MAD1L1: variants seen among roughly 807,000 people sequenced by gnomAD.
MAD1L1 encodes the protein mitotic arrest deficient 1 like 1.
MAD1L1 carries 95 observed loss-of-function variants against 96.9 expected under a neutral mutation model. The observed-to-expected ratio is 0.98, with a 90% CI of 0.83 to 1.16. The LOEUF is 1.16. MAD1L1 is among the 50% of genes most tolerant of loss of function. The pLI is 0.00. For synonymous variants in MAD1L1, 473 were observed against 396.6 expected (o/e 1.19, Z -2.29); for missense variants, 1,007 against 954.4 (o/e 1.06, Z -0.73).
chr7:1,892,364 C>T (rs1027623797), intron 18 of MAD1L1, among the ~76,000 whole-genome samples: 2 of 152,182 alleles, frequency 1.3e-5, no homozygotes, highest in Admixed American at 6.5e-5. Context: ...AAAGCGAGAC[C>T]GTACTAGACT....
intron 12 of MAD1L1, among the ~76,000 whole-genome samples, chr7:2,052,037 A>G (rs1344695288): frequency 2.0e-5 from 3 of 152,254 alleles, no homozygotes; most frequent in African/African-American, 7.2e-5. Context: ...AAAGACAACC[A>G]TTCATGCAGA....
intron 18 of MAD1L1, among the ~76,000 whole-genome samples, chr7:1,880,177 TCA>T (rs1486447952): frequency 1.3e-5 from 2 of 152,212 alleles, no homozygotes; most frequent in African/African-American, 2.4e-5. Flanking sequence ...TTCCGTATCC[TCA>T]CAGTGTTCCT....
intron 18 of MAD1L1, among the ~76,000 whole-genome samples, chr7:1,866,656 C>T (rs1049827669): frequency 5.3e-5 from 8 of 152,184 alleles, no homozygotes; most frequent in African/African-American, 1.2e-4. Context: ...CTCTTGCCGG[C>T]CAGCCCCAGA....
intron 10 of MAD1L1, among the ~76,000 whole-genome samples, chr7:2,204,852 A>G (rs775052886): frequency 6.6e-6 from 1 of 152,218 alleles, no homozygotes; most frequent in Non-Finnish European, 1.5e-5. Flanking sequence ...GTACAAAGCT[A>G]CCAAACCATT....
chr7:1,960,662 C>A (rs1045062325), intron 15 of MAD1L1, among the ~76,000 whole-genome samples: 1 of 152,096 alleles, frequency 6.6e-6, no homozygotes, highest in African/African-American at 2.4e-5. Context: ...GCAAAACCAG[C>A]CAGAAATGCA....
chr7:1,959,031 C>A (rs1380553313), intron 15 of MAD1L1, among the ~76,000 whole-genome samples: 1 of 152,176 alleles, frequency 6.6e-6, no homozygotes, highest in African/African-American at 2.4e-5. Flanking sequence ...GCAGCTGGAT[C>A]GCTTGAGGCC....
intron 10 of MAD1L1, among the ~76,000 whole-genome samples, chr7:2,156,821 C>CAAAAA (rs796679600): frequency 2.2e-5 from 2 of 91,542 alleles, no homozygotes; most frequent in African/African-American, 7.2e-5. Flanking sequence ...GACTCCATCT[C>CAAAAA]AAAAAAAAAA....
intron 16 of MAD1L1, among the ~76,000 whole-genome samples, chr7:1,944,129 C>T (rs1009935613): frequency 6.6e-5 from 10 of 152,242 alleles, no homozygotes; most frequent in Admixed American, 3.3e-4. Context: ...GAACAGGCCA[C>T]GGGACTCCCT....
intron 18 of MAD1L1, among the ~76,000 whole-genome samples, chr7:1,868,681 A>G (rs183185068): frequency 6.6e-6 from 1 of 152,346 alleles, no homozygotes; most frequent in East Asian, 1.9e-4. Context: ...AGTGACACGC[A>G]CTGCGTGTTC....
At chr7:1,843,243 C>T (rs182922225) in intron 18 of MAD1L1, among the ~76,000 whole-genome samples, 1 of 152,348 alleles carries the variant, frequency 6.6e-6, no homozygotes, top group East Asian at 1.9e-4. Flanking sequence ...TTTCTGGCGT[C>T]TTTCTCTGTC....
chr7:2,230,888 G>A (rs1210360704), intron 1 of MAD1L1, 161 bp from the exon 2 acceptor site: 1 of 152,258 alleles, frequency 6.6e-6, no homozygotes, highest in Admixed American at 6.5e-5. Flanking sequence ...AGACTCCCAA[G>A]CTCATCTCCT....
At chr7:1,840,352 C>T (rs548340026) in intron 18 of MAD1L1, among the ~76,000 whole-genome samples, 3 of 152,334 alleles carry the variant, frequency 2.0e-5, no homozygotes, top group South Asian at 2.1e-4. Flanking sequence ...CAGTGCGCCC[C>T]GGGGTATCTG....
intron 12 of MAD1L1, among the ~76,000 whole-genome samples, chr7:2,056,603 G>A (rs559227069): frequency 2.0e-5 from 3 of 152,320 alleles, no homozygotes; most frequent in South Asian, 2.1e-4. Flanking sequence ...CCACGTGAGC[G>A]AGGGCGGTGC....
intron 17 of MAD1L1, among the ~76,000 whole-genome samples, chr7:1,905,953 G>A (rs934177098): frequency 2.6e-5 from 4 of 151,668 alleles, no homozygotes; most frequent in Non-Finnish European, 4.4e-5. Context: ...GGGAGGCTGA[G>A]GCAGGAGAAT....
intron 12 of MAD1L1, among the ~76,000 whole-genome samples, chr7:2,015,919 C>T: frequency 6.6e-6 from 1 of 152,180 alleles, no homozygotes; most frequent in South Asian, 2.1e-4. Context: ...GGGGCTCTGC[C>T]CCATTCTTGA....
intron 11 of MAD1L1, among the ~76,000 whole-genome samples, chr7:2,072,740 C>A (rs144981659): frequency 6.6e-6 from 1 of 152,214 alleles, no homozygotes; most frequent in Admixed American, 6.5e-5. Context: ...GTGACAGGCA[C>A]AGCACAGGCA....
rs545008108 is a variant in MAD1L1 at position 2,162,568 on chromosome 7, A to G, written c.987-13330T>C. 5.3e-5 allele frequency among the ~76,000 whole-genome samples: 8 copies of G among 151,566 alleles called. No individual in the cohort carries two copies. The South Asian group carries it at 1.7e-3, about 32-fold the overall frequency. ...TGCCAAATCCCCCTCTCCGAGAAAC[A>G]CCCAAGAATGATCAATAAATACTAA... is the stretch of plus-strand genomic sequence containing the variant. On this transcript the variant is annotated intron_variant, in intron 10 of 18. Coordinates refer to ENST00000265854, the MANE Select transcript of MAD1L1 (RefSeq NM_001013836.2).
At chr7:2,000,252 C>T (rs544689151) in intron 14 of MAD1L1, among the ~76,000 whole-genome samples, 11 of 152,232 alleles carry the variant, frequency 7.2e-5, no homozygotes, top group African/African-American at 2.4e-4. Flanking sequence ...CTCCCTTCAA[C>T]GCAGCGGACT....
intron 12 of MAD1L1, among the ~76,000 whole-genome samples, chr7:2,057,875 G>A (rs890379229): frequency 1.3e-5 from 2 of 152,204 alleles, no homozygotes; most frequent in African/African-American, 2.4e-5. Flanking sequence ...CAAAGCGCCC[G>A]TCACAGCCTG....
Sources: gnomAD v4.1 joint callset for allele counts (sites outside exome capture counted in the v4.1 genomes callset) on GRCh38, gnomAD v4.1.1 for gene constraint, MANE v1.5 for transcripts, NCBI Gene and HGNC (gene_info 2026-07-23, HGNC 2026-07-21) for gene names.